TRIM55: variants seen among roughly 807,000 people sequenced by gnomAD.
TRIM55 encodes tripartite motif-containing protein 55.
A neutral mutation model predicts 60.9 loss-of-function variants in TRIM55; 50 were observed. That is an observed-to-expected ratio of 0.82 (90% CI 0.65 to 1.04). The LOEUF (loss-of-function observed/expected upper bound fraction) is 1.04. Ranked by LOEUF, TRIM55 falls within the 50% of genes least tolerant of loss-of-function variation. The pLI is 0.00. For synonymous variants in TRIM55, 237 were observed against 238.1 expected (o/e 1.00, Z 0.04); for missense variants, 681 against 666.9 (o/e 1.02, Z -0.23).
chr8:66,124,704 C>T (rs996269221), upstream of TRIM55, among the ~76,000 whole-genome samples: 2 of 152,222 alleles, frequency 1.3e-5, no homozygotes, highest in African/African-American at 2.4e-5. Flanking sequence ...CTGCCTCCCA[C>T]GTTATTCCTA....
In TRIM55 at chr8:66,135,312, CAT is replaced by C. The variant is rs922322959; in HGVS notation, c.507+158_507+159del. 7.2e-5 allele frequency among the ~76,000 whole-genome samples: 11 copies of C among 152,358 alleles called. No homozygotes were observed. The East Asian group carries it at 1.9e-3, about 27-fold the overall frequency. ...AGGGCACACAAGGTCTGCAGGAAGA[CAT>C]GTGCACAGTTGTGCACGAGGCACAC... On this transcript the variant is annotated intron_variant, in intron 3 of 9. Coordinates refer to ENST00000315962, the MANE Select transcript of TRIM55 (RefSeq NM_184085.2).
intron 3 of TRIM55, among the ~76,000 whole-genome samples, chr8:66,136,684 A>G (rs978194734): frequency 6.6e-6 from 1 of 152,246 alleles, no homozygotes; most frequent in African/African-American, 2.4e-5. Flanking sequence ...GTCTGTATAC[A>G]CTATATTCTT....
At chr8:66,147,385 T>C (rs1393704691) in intron 4 of TRIM55, among the ~76,000 whole-genome samples, 4 of 152,214 alleles carry the variant, frequency 2.6e-5, no homozygotes, top group African/African-American at 4.8e-5. Context: ...GAGTAAGGGA[T>C]GTATTTCTTG....
At chr8:66,127,816 C>G (rs1225639143) in intron 1 of TRIM55, among the ~76,000 whole-genome samples, 1 of 152,178 alleles carries the variant, frequency 6.6e-6, no homozygotes, top group Non-Finnish European at 1.5e-5. Context: ...GCCTGGGCAA[C>G]AGAGCAAGAC....
intron 4 of TRIM55, among the ~76,000 whole-genome samples, chr8:66,145,172 C>T (rs1272659182): frequency 6.6e-6 from 1 of 152,112 alleles, no homozygotes; most frequent in African/African-American, 2.4e-5. Context: ...AAGTTAGTCT[C>T]TTGTGTGTGG....
At chr8:66,141,645 G>A (rs920149976) in intron 4 of TRIM55, among the ~76,000 whole-genome samples, 1 of 152,228 alleles carries the variant, frequency 6.6e-6, no homozygotes, top group East Asian at 1.9e-4. Context: ...GGCACAGGCT[G>A]TTAATACTGG....
rs368027339 is a variant in TRIM55 at position 66,150,402 on chromosome 8, G to A, written c.921G>A (p.Met307Ile). 3.0e-5 allele frequency: 48 copies of A among 1,614,030 alleles called. No individual in the cohort carries two copies. The highest frequency in any genetic ancestry group is 4.1e-5 in the Non-Finnish European group (48 of 1,180,016). Reference sequence around the variant, plus strand: ...AAATAGAACATGGCTATGAGAACATGAACCACTTCACAGTCAACCTCAATA... The same window carrying A: ...AAATAGAACATGGCTATGAGAACATAAACCACTTCACAGTCAACCTCAATA... ...MEKIEHGYEN[M>I]NHFTVNLNRE... is the part of the protein sequence containing the mutation. The change falls in exon 7 of 10, where the codon ATG becomes ATA. Residue 307 changes from methionine (M) to isoleucine (I), a missense_variant. By Grantham distance (10) the Met-to-Ile change is conservative. Coordinates refer to ENST00000315962, the MANE Select transcript of TRIM55 (RefSeq NM_184085.2).
At chr8:66,137,781 T>A (rs56394731) in intron 4 of TRIM55, among the ~76,000 whole-genome samples, 25,971 of 149,748 alleles carry the variant, frequency 0.17, 3,962 homozygotes, top group African/African-American at 0.42. Context: ...AAAAAAAATC[T>A]TGCTGAATGA....
chr8:66,120,659 G>A, the TRIM55 span, among the ~76,000 whole-genome samples: 6 of 152,178 alleles, frequency 3.9e-5, no homozygotes, highest in African/African-American at 1.4e-4. Flanking sequence ...TTACACATTC[G>A]TGTGCCAGGA....
intron 8 of TRIM55, among the ~76,000 whole-genome samples, chr8:66,152,903 T>TTGTGTGTGTG (rs59283692): frequency 5.6e-4 from 79 of 140,390 alleles, no homozygotes; most frequent in African/African-American, 1.3e-3. Flanking sequence ...TGTCTGGAAA[T>TTGTGTGTGTG]TGTGTGTGTG....
intron 9 of TRIM55, chr8:66,155,661 T>A: frequency 6.2e-7 from 1 of 1,613,366 alleles, no homozygotes; most frequent in Non-Finnish European, 8.5e-7. Context: ...CTTTTCTTAT[T>A]CTTCACTACA....
At chr8:66,117,808 A>G in the TRIM55 span, among the ~76,000 whole-genome samples, 1 of 152,176 alleles carries the variant, frequency 6.6e-6, no homozygotes, top group South Asian at 2.1e-4. Context: ...AGTATTCGCT[A>G]CTTGTTGGGA....
intron 4 of TRIM55, among the ~76,000 whole-genome samples, chr8:66,147,117 A>G (rs1810134251): frequency 6.6e-6 from 1 of 152,236 alleles, no homozygotes; most frequent in African/African-American, 2.4e-5. Context: ...TCAGCCTACC[A>G]TATTGAATTA....
Position 66,152,540 on chromosome 8 carries a change from G to A in TRIM55, c.1149G>A (p.Glu383=), listed in dbSNP as rs887579443. 2 of 1,614,080 alleles carry A rather than the reference G, an allele frequency of 1.2e-6. No homozygotes were observed. The highest frequency in any genetic ancestry group is 1.7e-6 in the Non-Finnish European group (2 of 1,180,042). The change falls in exon 8 of 10, where the codon GAG becomes GAA. Residue 383 remains glutamate (E), a synonymous_variant. Transcript: ENST00000315962. The part of the protein sequence containing the change: ...PEKASELSQV[E]LQAAPGALPV... ...AAGCTTCAGAGCTCTCTCAGGTGGA[G>A]CTGCAGGCTGCCCCTGGGGCACTTC...
chr8:66,168,785 G>A (rs944996751), intron 9 of TRIM55, among the ~76,000 whole-genome samples: 1 of 152,194 alleles, frequency 6.6e-6, no homozygotes, highest in Admixed American at 6.5e-5. Flanking sequence ...ATTTCCTCAA[G>A]GCCCCCAATA....
chr8:66,153,927 A>C lies in TRIM55; in HGVS notation c.1237-120A>C. The C allele has an allele frequency of 3.1e-6, 3 of 956,632 alleles. 1 individual carries two copies. The highest frequency in any genetic ancestry group is 3.0e-4 in the Middle Eastern group (1 of 3,286). The allele number at this position is 956,632 out of a possible 1,614,324, so 59.3% of individuals were successfully genotyped here. A position where few individuals can be genotyped will look rare whatever the true frequency, so the allele number is the denominator to read the frequency against. On this transcript the variant is annotated intron_variant, in intron 8 of 9. Coordinates refer to ENST00000315962, the MANE Select transcript of TRIM55 (RefSeq NM_184085.2). ...GTGGGATGAACTAAAACGGCCACCA[A>C]GGCACTGCATGCAGGGAGCGCACAG...
At chr8:66,124,597 G>T (rs1351771834), upstream of TRIM55, among the ~76,000 whole-genome samples, 2 of 151,986 alleles carry the variant, frequency 1.3e-5, no homozygotes, top group Non-Finnish European at 2.9e-5. Context: ...CTCTGACCCT[G>T]AAATGCTGTA....
chr8:66,124,178 G>T (rs183407413), upstream of TRIM55, among the ~76,000 whole-genome samples: 1 of 152,054 alleles, frequency 6.6e-6, no homozygotes, highest in African/African-American at 2.4e-5. Flanking sequence ...AGGGCTTCGC[G>T]ACCTCTCACC....
chr8:66,130,147 A>G (rs1406494376), intron 2 of TRIM55, among the ~76,000 whole-genome samples: 1 of 152,272 alleles, frequency 6.6e-6, no homozygotes, highest in Non-Finnish European at 1.5e-5. Flanking sequence ...TAAAACTTGC[A>G]GTATTGGTAA....
Sources: allele counts gnomAD v4.1 joint callset (sites outside exome capture counted in the v4.1 genomes callset), GRCh38; gene constraint gnomAD v4.1.1; transcripts MANE v1.5; gene names NCBI Gene and HGNC (gene_info 2026-07-23, HGNC 2026-07-21).